The following IFT57 variants were observed in gnomAD, a reference collection of about 807,000 sequenced individuals.
IFT57 encodes the protein intraflagellar transport protein 57 homolog.
Under a neutral mutation model 56.8 loss-of-function variants are expected in IFT57, and 59 were observed. That is an observed-to-expected ratio of 1.04 (90% CI 0.84 to 1.29). The LOEUF is 1.29. IFT57 is among the 50% of genes most tolerant of loss of function. The pLI is 0.00. For synonymous variants in IFT57, 209 were observed against 186.1 expected, an observed-to-expected ratio of 1.12 and a Z score of -1.00; for missense variants, 470 against 522.1, an observed-to-expected ratio of 0.90 and a Z score of 0.97.
intron 10 of IFT57, 34 bp from the exon 11 acceptor site, chr3:108,162,689 T>C (rs1307924888): frequency 6.6e-7 from 1 of 1,505,056 alleles, no homozygotes; most frequent in African/African-American, 1.4e-5. Context: ...ATAAAAATGT[T>C]CATTTGGAGT....
chr3:108,219,676 C>T (rs565849830), intron 1 of IFT57, 104 bp from the exon 2 acceptor site: 1 of 1,180,820 alleles, frequency 8.5e-7, no homozygotes, highest in African/African-American at 1.5e-5. Context: ...TCTTTCTTCC[C>T]CCCAAATGGC....
chr3:108,198,442 C>G (rs537697311), intron 5 of IFT57, among the ~76,000 whole-genome samples: 27 of 152,032 alleles, frequency 1.8e-4, no homozygotes, highest in Non-Finnish European at 3.8e-4. Context: ...GTGTGTGTGT[C>G]TTGTTTTGTT....
intron 6 of IFT57, 67 bp from the exon 7 acceptor site, chr3:108,167,931 T>G: frequency 8.0e-7 from 1 of 1,251,988 alleles, no homozygotes; most frequent in Non-Finnish European, 1.1e-6. Flanking sequence ...CTACTTCTTG[T>G]GAAGTTGTAA....
At chr3:108,170,464 G>A (rs2080086761) in intron 6 of IFT57, among the ~76,000 whole-genome samples, 1 of 151,890 alleles carries the variant, frequency 6.6e-6, no homozygotes. Context: ...ACCTCTTCAA[G>A]GAGAACTAAA....
intron 6 of IFT57, among the ~76,000 whole-genome samples, chr3:108,179,596 CA>C (rs2080141426): frequency 6.6e-6 from 1 of 151,948 alleles, no homozygotes; most frequent in Non-Finnish European, 1.5e-5. Context: ...CAGAGTTTCT[CA>C]TTTCATTACT....
intron 6 of IFT57, among the ~76,000 whole-genome samples, chr3:108,168,276 A>C (rs1300143857): frequency 6.6e-6 from 1 of 151,944 alleles, no homozygotes; most frequent in Non-Finnish European, 1.5e-5. Context: ...GGAAATGAAA[A>C]TGGGGCCCTC....
chr3:108,206,673 T>C lies in IFT57; in HGVS notation c.609A>G (p.Glu203=), dbSNP rs779267525. ...TTAAAACGTTGAGATCAATAAAGTT[T>C]TCTTCATTATCTGTCTCTTCTTCCT... ...EFVEEETDNE[E]NFIDLNVLKA... The change falls in exon 5 of 11, where the codon GAA becomes GAG. Residue 203 remains glutamate, a synonymous_variant. Coordinates refer to ENST00000264538, the MANE Select transcript of IFT57 (RefSeq NM_018010.4). The C allele has an allele frequency of 7.3e-7, 1 of 1,370,688 alleles. No homozygotes were observed. Among genetic ancestry groups the C allele is most frequent in the Non-Finnish European group, 9.7e-7 (1 of 1,028,940 alleles). 84.9% of individuals were successfully genotyped at this position (1,370,688 alleles called of 1,614,324 possible). A position where few individuals can be genotyped will look rare whatever the true frequency, so the allele number is the denominator to read the frequency against.
rs180854784 is a variant in IFT57, at chr3:108,185,812, C to T, written c.777+5709G>A. Among the ~76,000 whole-genome samples, 6 of 152,200 alleles carry T rather than the reference C, an allele frequency of 3.9e-5. No individual in the cohort carries two copies. In the East Asian group the frequency reaches 1.2e-3, roughly 29 times the overall value. ...GACAGGAAGAGATAATCACCAGCTG[C>T]CAGTCTTTTAGTTGTGCAAGAAAAG... is the stretch of plus-strand genomic sequence containing the variant. On this transcript the variant is annotated intron_variant, in intron 6 of 10. Transcript: ENST00000264538.
chr3:108,190,656 CA>C lies in IFT57; in HGVS notation c.777+864del, dbSNP rs1172628693. 2.0e-5 allele frequency among the ~76,000 whole-genome samples: 3 copies of C among 152,264 alleles called. No individual in the cohort carries two copies. The East Asian group carries it at 5.8e-4, about 29-fold the overall frequency. ...CCCAGTCTTGGGCAGTTCTTTATAG[CA>C]GTACAAAAACGAACTAATACAACAG... On this transcript the variant is annotated intron_variant, in intron 6 of 10. Transcript: ENST00000264538.
rs1391158337 is a variant in IFT57, at chr3:108,213,979, T to G, written c.537A>C (p.Ala179=). 6.2e-7 allele frequency: 1 copy of G among 1,610,056 alleles called. No homozygotes were observed. The highest frequency in any genetic ancestry group is 8.5e-7 in the Non-Finnish European group (1 of 1,176,604). The change falls in exon 4 of 11, where the codon GCA becomes GCC. Residue 179 remains alanine, a synonymous_variant. Coordinates refer to ENST00000264538, the MANE Select transcript of IFT57 (RefSeq NM_018010.4). ...PVEELEEESV[A]EDDAELTLNK... is the part of the protein sequence containing the mutation. ...TTAATGTTAATTCTGCATCATCTTCTGCAACGCTTTCTTCTTCTAATTCTT... is the reference window on the plus strand; with the variant it reads ...TTAATGTTAATTCTGCATCATCTTCGGCAACGCTTTCTTCTTCTAATTCTT...
intron 5 of IFT57, among the ~76,000 whole-genome samples, chr3:108,200,838 T>A (rs2080274689): frequency 6.6e-6 from 1 of 152,154 alleles, no homozygotes; most frequent in African/African-American, 2.4e-5. Context: ...TATGTAAGTA[T>A]CTTACTCAAA....
At chr3:108,186,529 G>A (rs377044148) in intron 6 of IFT57, among the ~76,000 whole-genome samples, 29 of 152,184 alleles carry the variant, frequency 1.9e-4, no homozygotes, top group East Asian at 1.2e-3. Flanking sequence ...TGGCAGAAGG[G>A]CTCTGATTAT....
At chr3:108,166,797 G>A in intron 8 of IFT57, 57 bp downstream of exon 8, 1 of 1,463,698 alleles carries the variant, frequency 6.8e-7, no homozygotes, top group Non-Finnish European at 9.4e-7. Context: ...ATTGTGTCAA[G>A]TTTAGGGTTT....
rs993528189 is a variant in IFT57, at chr3:108,219,487, G to A, written c.298C>T (p.Arg100Cys). 1.5e-5 allele frequency: 25 copies of A among 1,613,424 alleles called. No homozygotes were observed. Among genetic ancestry groups the A allele is most frequent in the Admixed American group, 3.3e-5 (2 of 60,000 alleles). The change falls in exon 2 of 11, where the codon CGT becomes TGT. Residue 100 changes from arginine to cysteine, a missense_variant. Physicochemically the swap from Arg to Cys is radical, Grantham distance 180. Transcript: ENST00000264538. Reference protein sequence around the residue: ...LAAWLINKAGRPFEQPQEYDD... With the variant: ...LAAWLINKAGCPFEQPQEYDD... ...TATTCTTGAGGCTGCTCAAAGGGAC[G>A]TCCCGCTTTATTAATCAACCAAGCA...
intron 6 of IFT57, among the ~76,000 whole-genome samples, chr3:108,170,148 G>T (rs1339281404): frequency 2.0e-5 from 3 of 151,990 alleles, no homozygotes; most frequent in Admixed American, 1.3e-4. Context: ...GTTCTAGCCT[G>T]GGCAATCAGG....
At chr3:108,206,057 T>TTTATATATAATAA (rs1491104427) in intron 5 of IFT57, among the ~76,000 whole-genome samples, 1 of 105,350 alleles carries the variant, frequency 9.5e-6, no homozygotes, top group African/African-American at 3.4e-5. Context: ...TTATATATTA[T>TTTATATATAATAA]TTATATATAA....
chr3:108,162,555 T>G lies in IFT57; in HGVS notation c.1212A>C (p.Ser404=). 1 of 1,612,810 alleles carries G rather than the reference T, an allele frequency of 6.2e-7. No homozygotes were observed. The highest frequency in any genetic ancestry group is 8.5e-7 in the Non-Finnish European group (1 of 1,179,134). The change falls in exon 11 of 11, where the codon TCA becomes TCC. Residue 404 remains serine, a synonymous_variant. Coordinates refer to ENST00000264538, the MANE Select transcript of IFT57 (RefSeq NM_018010.4). ...TCATGTTGGACTTCTCCTTCAGCTT[T>G]GATTGGAGTAGTGTGTGTTCCACAA... ...IGIVEHTLLQ[S]KLKEKSNMTR... is the part of the protein sequence containing the mutation.
intron 5 of IFT57, among the ~76,000 whole-genome samples, chr3:108,199,760 T>C (rs1245385415): frequency 6.6e-6 from 1 of 152,224 alleles, no homozygotes; most frequent in African/African-American, 2.4e-5. Context: ...AGTTATGTTT[T>C]ATAGATTTAT....
At chr3:108,184,646 T>C (rs1157598455) in intron 6 of IFT57, among the ~76,000 whole-genome samples, 2 of 152,154 alleles carry the variant, frequency 1.3e-5, no homozygotes, top group African/African-American at 4.8e-5. Flanking sequence ...ATCATAAGTG[T>C]ATAAAATTAA....
Sources: gnomAD v4.1 joint callset for allele counts (sites outside exome capture counted in the v4.1 genomes callset) on GRCh38, gnomAD v4.1.1 for gene constraint, MANE v1.5 for transcripts, NCBI Gene and HGNC (gene_info 2026-07-23, HGNC 2026-07-21) for gene names.